CACNA2D3: variants seen among roughly 807,000 people sequenced by gnomAD.
CACNA2D3 encodes the protein calcium voltage-gated channel auxiliary subunit alpha2delta 3.
A neutral mutation model predicts 160.6 loss-of-function variants in CACNA2D3; 60 were observed. The ratio of observed to expected loss-of-function variants is 0.37; its 90% confidence interval spans 0.30 to 0.46. CACNA2D3 has a LOEUF of 0.46. Ranked by LOEUF, CACNA2D3 falls within the 20% of genes least tolerant of loss-of-function variation. The probability of loss-of-function intolerance (pLI) is 1.00; values close to 1 mark genes in which losing one functional copy is unlikely to be tolerated. For missense variants in CACNA2D3, 1,205 were observed against 1,365.0 expected, an observed-to-expected ratio of 0.88 and a Z score of 1.85; for synonymous variants, 558 against 492.9, an observed-to-expected ratio of 1.13 and a Z score of -1.75.
At position 54,868,409 on chromosome 3, in the gene CACNA2D3, A is replaced by G. The variant is rs1330427948; in HGVS notation, c.1627-3130A>G. 2.0e-5 allele frequency among the ~76,000 whole-genome samples: 3 copies of G among 152,176 alleles called. No individual in the cohort carries two copies. In the East Asian group the frequency reaches 5.8e-4, roughly 29 times the overall value. ...TTAGACTATAGAGACTTGCTGGAAT[A>G]TGGTGGCTCATGGGCTAGTATGATG... On this transcript the variant is annotated intron_variant, in intron 17 of 37. Transcript: ENST00000474759.
Position 54,832,011 on chromosome 3 carries a change from T to TCATACACACAGCACACACA in CACNA2D3, c.1399-5146_1399-5145insTACACACAGCACACACACA, listed in dbSNP as rs373556430. ...TCCCTCTTTATCTCTCTCTTCTCTG[T>TCATACACACAGCACACACA]CACACACACACACACACACACACAC... On this transcript the variant is annotated intron_variant, in intron 14 of 37. Transcript: ENST00000474759. 4.6e-3 allele frequency among the ~76,000 whole-genome samples: 552 copies of TCATACACACAGCACACACA among 118,942 alleles called. 14 individuals carry two copies. The highest frequency in any genetic ancestry group is 0.018 in the African/African-American group (534 of 30,204). 78.0% of individuals were successfully genotyped at this position (118,942 alleles called of 152,430 possible). A position where few individuals can be genotyped will look rare whatever the true frequency, so the allele number is the denominator to read the frequency against.
chr3:54,560,234 C>T (rs1198559169), intron 5 of CACNA2D3, among the ~76,000 whole-genome samples: 1 of 152,172 alleles, frequency 6.6e-6, no homozygotes, highest in Non-Finnish European at 1.5e-5. Flanking sequence ...TCTCCACAAC[C>T]TCACCAGCAT....
At chr3:54,172,199 G>A (rs961106490) in intron 2 of CACNA2D3, among the ~76,000 whole-genome samples, 2 of 152,162 alleles carry the variant, frequency 1.3e-5, no homozygotes, top group African/African-American at 4.8e-5. Flanking sequence ...TTTACTCTCC[G>A]TGGGCTGCCA....
intron 10 of CACNA2D3, among the ~76,000 whole-genome samples, chr3:54,629,495 A>G (rs767358061): frequency 1.2e-4 from 18 of 152,202 alleles, no homozygotes; most frequent in Non-Finnish European, 1.8e-4. Flanking sequence ...AGAGAAAAAT[A>G]AGGAGAGAAG....
chr3:54,223,851 CAAA>C (rs60397787), intron 2 of CACNA2D3, among the ~76,000 whole-genome samples: 3 of 96,708 alleles, frequency 3.1e-5, no homozygotes, highest in Admixed American at 1.0e-4. Flanking sequence ...GACTCTGTCT[CAAA>C]AAAAAAAAAA....
chr3:54,220,474 G>C (rs1010751042), intron 2 of CACNA2D3, among the ~76,000 whole-genome samples: 1 of 152,122 alleles, frequency 6.6e-6, no homozygotes, highest in African/African-American at 2.4e-5. Flanking sequence ...AGCCACACTC[G>C]AATGGGACAA....
chr3:54,482,593 C>G (rs1273753445), intron 4 of CACNA2D3, among the ~76,000 whole-genome samples: 1 of 152,184 alleles, frequency 6.6e-6, no homozygotes, highest in Non-Finnish European at 1.5e-5. Context: ...TATTTGTCTT[C>G]TTTTCACATG....
At chr3:54,885,724 T>A in intron 23 of CACNA2D3, 138 bp downstream of exon 23, 2 of 654,270 alleles carry the variant, frequency 3.1e-6, no homozygotes, top group Admixed American at 2.5e-5. Flanking sequence ...TAATCAAATA[T>A]CTGCTTCCTG....
chr3:54,754,839 A>G (rs954324001), intron 12 of CACNA2D3, among the ~76,000 whole-genome samples: 1 of 152,130 alleles, frequency 6.6e-6, no homozygotes, highest in African/African-American at 2.4e-5. Context: ...AAGTTGTTTT[A>G]GGTGCAAGCC....
In CACNA2D3 at chr3:55,064,567, T is replaced by A. The variant is rs113720244; in HGVS notation, c.2988-8878T>A. On this transcript the variant is annotated intron_variant, in intron 35 of 37. Coordinates refer to ENST00000474759, the MANE Select transcript of CACNA2D3 (RefSeq NM_018398.3). The stretch of plus-strand genomic sequence containing the variant: ...CTCTCCACTCCTGTGCATGCCCCAT[T>A]GGCCTCTGGACTTCACTTATAAAAC... 5.3e-3 allele frequency among the ~76,000 whole-genome samples: 808 copies of A among 152,244 alleles called. 7 individuals are homozygous for A. Among genetic ancestry groups the A allele is most frequent in the African/African-American group, 0.016 (667 of 41,556 alleles).
At chr3:54,196,171 G>A (rs141113309) in intron 2 of CACNA2D3, among the ~76,000 whole-genome samples, 208 of 152,256 alleles carry the variant, frequency 1.4e-3, no homozygotes, top group African/African-American at 4.6e-3. Context: ...ACTGAAATAC[G>A]TATTACTTTA....
At chr3:54,752,837 G>GTTTTTTTTTTTTTTTTTTTTTTTTT (rs34310780) in intron 12 of CACNA2D3, among the ~76,000 whole-genome samples, 160 bp downstream of exon 12, 1 of 144,216 alleles carries the variant, frequency 6.9e-6, no homozygotes. Flanking sequence ...TCCAAATTAT[G>GTTTTTTTTTTTTTTTTTTTTTTTTT]TTTTTTTTTT....
At chr3:54,333,634 A>T (rs1704315776) in intron 3 of CACNA2D3, among the ~76,000 whole-genome samples, 1 of 149,888 alleles carries the variant, frequency 6.7e-6, no homozygotes, top group Admixed American at 6.8e-5. Flanking sequence ...GGCAGCACTC[A>T]GGGGGAGGGA....
Position 54,317,632 on chromosome 3 carries a change from G to T in CACNA2D3, c.205-2810G>T, listed in dbSNP as rs980270822. On this transcript the variant is annotated intron_variant, in intron 2 of 37. Transcript: ENST00000474759. ...GGCTCACTGCAATATCCGCCTCCCA[G>T]GTTGAAGTGATTCTTCTGCCTCAGT... is the stretch of plus-strand genomic sequence containing the variant. Among the ~76,000 whole-genome samples the T allele has an allele frequency of 1.8e-4, 28 of 152,142 alleles. 1 individual carries two copies. Among genetic ancestry groups the T allele is most frequent in the Admixed American group, 1.1e-3 (17 of 15,260 alleles).
chr3:54,757,432 CT>C (rs1208876555), intron 12 of CACNA2D3, among the ~76,000 whole-genome samples: 2 of 152,198 alleles, frequency 1.3e-5, no homozygotes, highest in Non-Finnish European at 2.9e-5. Flanking sequence ...CTCATTATAT[CT>C]TTCCACATGT....
chr3:54,126,000 A>G (rs1017353505), intron 2 of CACNA2D3, among the ~76,000 whole-genome samples: 1 of 152,206 alleles, frequency 6.6e-6, no homozygotes, highest in African/African-American at 2.4e-5. Flanking sequence ...TTAACACTGT[A>G]TTAAGGGGAC....
chr3:54,345,978 T>C (rs1698451667), intron 3 of CACNA2D3, among the ~76,000 whole-genome samples: 1 of 152,134 alleles, frequency 6.6e-6, no homozygotes, highest in African/African-American at 2.4e-5. Context: ...CCAGGATTTA[T>C]AGGATGCTGC....
At chr3:54,745,750 C>T (rs1249464891) in intron 11 of CACNA2D3, among the ~76,000 whole-genome samples, 2 of 152,134 alleles carry the variant, frequency 1.3e-5, no homozygotes, top group South Asian at 2.1e-4. Context: ...AAACACATGG[C>T]CATAGAACTG....
At chr3:54,304,491 A>T (rs1703552976) in intron 2 of CACNA2D3, among the ~76,000 whole-genome samples, 1 of 152,224 alleles carries the variant, frequency 6.6e-6, no homozygotes, top group Admixed American at 6.5e-5. Context: ...AAAAACAATT[A>T]CATTTATAAT....
Sources: allele counts gnomAD v4.1 joint callset (sites outside exome capture counted in the v4.1 genomes callset), GRCh38; gene constraint gnomAD v4.1.1; transcripts MANE v1.5; gene names NCBI Gene and HGNC (gene_info 2026-07-23, HGNC 2026-07-21).